The following ANK2 variants were observed in gnomAD, a reference collection of about 807,000 sequenced individuals.
ANK2 encodes the protein ankyrin-2.
Under a neutral mutation model 360.5 loss-of-function variants are expected in ANK2, and 83 were observed. The observed-to-expected ratio is 0.23, with a 90% CI of 0.19 to 0.28. The LOEUF (loss-of-function observed/expected upper bound fraction) is 0.28. Among genes scored for constraint, ANK2 ranks in the 10% least tolerant of loss-of-function variants. The pLI is 1.00. For synonymous variants in ANK2, 1,740 were observed against 1,759.5 expected (o/e 0.99, Z 0.28); for missense variants, 4,201 against 4,795.7 (o/e 0.88, Z 3.66).
At chr4:113,369,833 C>T (rs1386745136) in intron 43 of ANK2, 28 bp downstream of exon 43, 1 of 1,613,538 alleles carries the variant, frequency 6.2e-7, no homozygotes, top group South Asian at 1.1e-5. Context: ...ACTTTCTCGC[C>T]CACCTGTAAC....
rs187612116 is a variant in ANK2 at position 112,830,828 on chromosome 4, G to A, written c.-40+12564G>A. 9.5e-4 allele frequency among the ~76,000 whole-genome samples: 144 copies of A among 152,278 alleles called. 2 individuals are homozygous for A. The Middle Eastern group carries it at 0.01, about 11-fold the overall frequency. Reference sequence around the variant, plus strand: ...GGAGGGAGAGGCGTGGGCAGGAACCGGGGCTGTGCATGGCACTCGCAGGCC... The same window carrying A: ...GGAGGGAGAGGCGTGGGCAGGAACCAGGGCTGTGCATGGCACTCGCAGGCC... On this transcript the variant is annotated intron_variant, in intron 1 of 30. Coordinates refer to the ANK2 transcript ENST00000503271.
intron 1 of ANK2, among the ~76,000 whole-genome samples, chr4:113,143,918 A>G (rs537428017): frequency 2.6e-5 from 4 of 152,232 alleles, no homozygotes; most frequent in Non-Finnish European, 4.4e-5. Flanking sequence ...AAAATTATTC[A>G]GGAAACATGA....
At chr4:113,336,230 A>C (rs2093510091) in intron 30 of ANK2, 173 bp downstream of exon 30, 1 of 701,308 alleles carries the variant, frequency 1.4e-6, no homozygotes, top group African/African-American at 1.8e-5. Context: ...CTATTTAAAA[A>C]TTCAACTTAT....
At chr4:112,738,883 A>AAACG in the ANK2 span, 1 of 668,298 alleles carries the variant, frequency 1.5e-6, no homozygotes, top group Non-Finnish European at 2.7e-6. Flanking sequence ...ACAAACAAAC[A>AAACG]AACAAAAAAA....
chr4:113,169,730 C>T (rs1213684857), intron 1 of ANK2, among the ~76,000 whole-genome samples: 1 of 152,010 alleles, frequency 6.6e-6, no homozygotes, highest in Non-Finnish European at 1.5e-5. Flanking sequence ...ATTATGACCT[C>T]CAGTGTTATT....
intron 1 of ANK2, among the ~76,000 whole-genome samples, chr4:113,170,100 G>C (rs1178190613): frequency 6.6e-6 from 1 of 152,162 alleles, no homozygotes; most frequent in Non-Finnish European, 1.5e-5. Flanking sequence ...AGCTATCAGA[G>C]AATAGCTTTA....
At chr4:112,937,022 A>G (rs1012312613) in intron 2 of ANK2, among the ~76,000 whole-genome samples, 1 of 151,772 alleles carries the variant, frequency 6.6e-6, no homozygotes, top group Admixed American at 6.6e-5. Context: ...CTTGGACTGA[A>G]CTCAAGCAAT....
chr4:113,021,160 A>G (rs1205549822), intron 2 of ANK2, among the ~76,000 whole-genome samples: 1 of 124,766 alleles, frequency 8.0e-6, no homozygotes, highest in Non-Finnish European at 1.7e-5. Context: ...TAAACCCTTC[A>G]AAAGCACAGA....
chr4:113,235,136 A>G lies in ANK2; in HGVS notation c.484-1851A>G, dbSNP rs559913566. 2.6e-5 allele frequency among the ~76,000 whole-genome samples: 4 copies of G among 152,348 alleles called. No individual in the cohort carries two copies. In the South Asian group the frequency reaches 8.3e-4, roughly 32 times the overall value. Reference sequence around the variant, plus strand: ...CAAATGCCTCATCTCTAAGAAAAAGATTAATTTCACACTCTTTTAATATAA... The same window carrying G: ...CAAATGCCTCATCTCTAAGAAAAAGGTTAATTTCACACTCTTTTAATATAA... On this transcript the variant is annotated intron_variant, in intron 5 of 45. Transcript: ENST00000357077.
intron 1 of ANK2, among the ~76,000 whole-genome samples, chr4:112,862,575 G>T (rs1270532033): frequency 6.6e-6 from 1 of 152,122 alleles, no homozygotes; most frequent in Non-Finnish European, 1.5e-5. Context: ...AAAGTTTATA[G>T]ACTCTGGTTT....
chr4:112,792,111 G>A, the ANK2 span, among the ~76,000 whole-genome samples: 19 of 140,692 alleles, frequency 1.4e-4, no homozygotes, highest in African/African-American at 4.8e-4. Context: ...GTGCAATCTC[G>A]GCTCACTGCA....
chr4:112,900,116 A>G (rs2082873848), intron 1 of ANK2, among the ~76,000 whole-genome samples: 1 of 152,170 alleles, frequency 6.6e-6, no homozygotes, highest in Admixed American at 6.5e-5. Context: ...TCATCATTTT[A>G]CTAATTTTGT....
Position 113,292,405 on chromosome 4 carries a change from G to C in ANK2, c.2278-11G>C. 6.2e-7 allele frequency: 1 copy of C among 1,606,894 alleles called. No homozygotes were observed. Among genetic ancestry groups the C allele is most frequent in the Non-Finnish European group, 8.5e-7 (1 of 1,176,496 alleles). ...ATCGGGTGCTGGGCCCGCCACCACTGTCCTCCACAGAACGGCTACACGCCT... is the reference window on the plus strand; with the variant it reads ...ATCGGGTGCTGGGCCCGCCACCACTCTCCTCCACAGAACGGCTACACGCCT... On this transcript the variant is annotated splice_polypyrimidine_tract_variant and intron_variant, in intron 20 of 45. Coordinates refer to ENST00000357077, the MANE Select transcript of ANK2 (RefSeq NM_001148.6).
intron 26 of ANK2, among the ~76,000 whole-genome samples, chr4:113,321,018 CACTT>C (rs769831811): frequency 2.0e-5 from 3 of 152,204 alleles, no homozygotes; most frequent in Non-Finnish European, 2.9e-5. Flanking sequence ...AGTTAGAAGA[CACTT>C]AATCTGTAAA....
intron 23 of ANK2, among the ~76,000 whole-genome samples, chr4:113,311,039 A>T (rs760045084): frequency 4.6e-5 from 7 of 152,202 alleles, no homozygotes; most frequent in Non-Finnish European, 1.0e-4. Flanking sequence ...TCAAGTGATT[A>T]CTTCTTCTTG....
At chr4:112,892,424 G>A (rs1242466345) in intron 1 of ANK2, among the ~76,000 whole-genome samples, 1 of 152,202 alleles carries the variant, frequency 6.6e-6, no homozygotes, top group Non-Finnish European at 1.5e-5. Flanking sequence ...TTAGAATGAA[G>A]TAAGTGTCTG....
At chr4:113,227,616 A>T (rs2099240973) in intron 4 of ANK2, among the ~76,000 whole-genome samples, 1 of 152,128 alleles carries the variant, frequency 6.6e-6, no homozygotes, top group Non-Finnish European at 1.5e-5. Context: ...ATTACAGGAG[A>T]TTCTATCACA....
At chr4:112,716,738 A>G in the ANK2 span, among the ~76,000 whole-genome samples, 1 of 152,160 alleles carries the variant, frequency 6.6e-6, no homozygotes, top group Non-Finnish European at 1.5e-5. Flanking sequence ...GCCTCTAATA[A>G]TCTGTAAACA....
intron 1 of ANK2, among the ~76,000 whole-genome samples, chr4:112,818,978 T>G (rs2056185627): frequency 6.6e-6 from 1 of 152,120 alleles, no homozygotes; most frequent in Admixed American, 6.5e-5. Flanking sequence ...CTGAGCAGTG[T>G]TTTTTTGTTT....
Sources: allele counts gnomAD v4.1 joint callset (sites outside exome capture counted in the v4.1 genomes callset), GRCh38; gene constraint gnomAD v4.1.1; transcripts MANE v1.5; gene names NCBI Gene and HGNC (gene_info 2026-07-23, HGNC 2026-07-21).